VAPB: variants seen among roughly 807,000 people sequenced by gnomAD.
VAPB encodes the protein VAMP associated protein B and C.
In VAPB, 7 loss-of-function variants were observed where a neutral mutation model predicts 25.6. The ratio of observed to expected loss-of-function variants is 0.27; its 90% CI spans 0.16 to 0.51. The LOEUF is 0.51. Among genes scored for constraint, VAPB ranks in the 20% least tolerant of loss-of-function variants. The pLI, the probability that VAPB is intolerant of heterozygous loss-of-function variation, is 0.97. For synonymous variants in VAPB, 112 were observed against 109.2 expected, an observed-to-expected ratio of 1.03 and a Z score of -0.16; for missense variants, 266 against 301.3, an observed-to-expected ratio of 0.88 and a Z score of 0.87.
chr20:58,436,793 A>G (rs967485968), intron 3 of VAPB, among the ~76,000 whole-genome samples: 1 of 152,060 alleles, frequency 6.6e-6, no homozygotes, highest in African/African-American at 2.4e-5. Context: ...TTGAGATGCA[A>G]ATTTATGACA....
intron 3 of VAPB, among the ~76,000 whole-genome samples, chr20:58,437,791 C>G (rs1184409132): frequency 2.0e-5 from 3 of 152,140 alleles, no homozygotes; most frequent in African/African-American, 4.8e-5. Context: ...GCATGCTGTT[C>G]CGTTTAGTGG....
chr20:58,414,437 CGCCGGG>C (rs1568707173), intron 1 of VAPB, among the ~76,000 whole-genome samples: 1 of 145,642 alleles, frequency 6.9e-6, no homozygotes, highest in African/African-American at 2.5e-5. Context: ...ACGGGGCAGC[CGCCGGG>C]CGGAGGGTCT....
At position 58,444,170 on chromosome 20, in the gene VAPB, C is replaced by G; in HGVS notation, c.667C>G (p.Arg223Gly). 6.2e-7 allele frequency: 1 copy of G among 1,614,158 alleles called. No individual in the cohort carries two copies. Among genetic ancestry groups the G allele is most frequent in the Non-Finnish European group, 8.5e-7 (1 of 1,180,038 alleles). Residue 223 changes from arginine (R) to glycine (G), a missense_variant, in exon 6 of 6, where the codon CGG becomes GGG. Physicochemically the swap from Arg to Gly is moderately radical, Grantham distance 125. This residue lies in a region of VAPB where 136 missense variants were observed against 130.7 expected (regional missense o/e 1.04). Coordinates refer to ENST00000475243, the MANE Select transcript of VAPB (RefSeq NM_004738.5). ...PTGKEEGLSTRLLALVVLFFI... is the reference protein window; with the variant it reads ...PTGKEEGLSTGLLALVVLFFI... ...TGGGAAGGAAGAAGGCCTTAGCACC[C>G]GGCTCTTGGCTCTGGTGGTTTTGTT...
chr20:58,398,541 C>T (rs1013795658), intron 1 of VAPB, among the ~76,000 whole-genome samples: 3 of 148,432 alleles, frequency 2.0e-5, no homozygotes, highest in African/African-American at 5.1e-5. Flanking sequence ...AAGTTTCCAG[C>T]CTCTAGGTAT....
At chr20:58,418,134 A>AT in intron 1 of VAPB, 77 bp from the exon 2 acceptor site, 1 of 1,589,866 alleles carries the variant, frequency 6.3e-7, no homozygotes, top group Non-Finnish European at 8.6e-7. Flanking sequence ...CCTTAACTAT[A>AT]TTTACAGCTC....
rs557876874 is a variant in VAPB, at chr20:58,425,103, A to G, written c.211+6740A>G. On this transcript the variant is annotated intron_variant, in intron 2 of 5. Coordinates refer to ENST00000475243, the MANE Select transcript of VAPB (RefSeq NM_004738.5). ...TAATGCTGGTTATCTCCAGCTTATC[A>G]GGAGCTCTGCTTGGCATTTATGTAT... Among the ~76,000 whole-genome samples, 4 of 152,358 alleles carry G rather than the reference A, an allele frequency of 2.6e-5. No individual in the cohort carries two copies. In the South Asian group the frequency reaches 8.3e-4, roughly 32 times the overall value.
At chr20:58,425,277 A>C (rs1246966374) in intron 2 of VAPB, among the ~76,000 whole-genome samples, 2 of 152,188 alleles carry the variant, frequency 1.3e-5, no homozygotes, top group Non-Finnish European at 2.9e-5. Context: ...AGAAACTGGA[A>C]GCCCTGTCTT....
intron 1 of VAPB, among the ~76,000 whole-genome samples, chr20:58,397,190 A>G (rs1987979249): frequency 6.6e-6 from 1 of 152,222 alleles, no homozygotes; most frequent in Admixed American, 6.5e-5. Context: ...ATTCACTTTT[A>G]TATCAGATTC....
At chr20:58,420,002 T>C (rs1266345103) in intron 2 of VAPB, among the ~76,000 whole-genome samples, 1 of 152,162 alleles carries the variant, frequency 6.6e-6, no homozygotes, top group Non-Finnish European at 1.5e-5. Flanking sequence ...TCTCTTTTTT[T>C]TTTGAGACAG....
At chr20:58,437,280 C>CTT (rs879755519) in intron 3 of VAPB, among the ~76,000 whole-genome samples, 4 of 145,918 alleles carry the variant, frequency 2.7e-5, no homozygotes, top group African/African-American at 1.0e-4. Context: ...CTTTGAACTT[C>CTT]TTTTTTTTTT....
chr20:58,421,280 A>G (rs867308957), intron 2 of VAPB, among the ~76,000 whole-genome samples: 2 of 152,358 alleles, frequency 1.3e-5, no homozygotes, highest in Middle Eastern at 3.4e-3. Flanking sequence ...CAAGAGTGGT[A>G]CATTTGTACG....
intron 2 of VAPB, 35 bp from the exon 3 acceptor site, chr20:58,434,567 C>T (rs373655925): frequency 9.3e-7 from 1 of 1,077,472 alleles, no homozygotes; most frequent in African/African-American, 1.5e-5. Flanking sequence ...GACAACCAAG[C>T]TCTGACCCTC....
rs1420607016 is a variant in VAPB at position 58,448,073 on chromosome 20, C to T, written c.*3838C>T. ...CAAACTGAACTATGAAAAGTTACCA[C>T]TCTGAGGAGACCTCTCTTAATTAAC... On this transcript the variant is annotated 3_prime_UTR_variant, in exon 6 of 6. Coordinates refer to ENST00000475243, the MANE Select transcript of VAPB (RefSeq NM_004738.5). 1 of 454,024 alleles carries T rather than the reference C, an allele frequency of 2.2e-6. No homozygotes were observed. Among genetic ancestry groups the T allele is most frequent in the South Asian group, 1.6e-5 (1 of 64,462 alleles). The allele number at this position is 454,024 out of a possible 1,614,324, so 28.1% of individuals were successfully genotyped here. A position where few individuals can be genotyped will look rare whatever the true frequency, so the allele number is the denominator to read the frequency against.
intron 2 of VAPB, among the ~76,000 whole-genome samples, chr20:58,433,599 C>T (rs549049416): frequency 2.3e-4 from 35 of 151,490 alleles, no homozygotes; most frequent in South Asian, 2.1e-3. Flanking sequence ...CAAGGTGTAA[C>T]CTTGGGCAAA....
intron 1 of VAPB, among the ~76,000 whole-genome samples, chr20:58,397,139 A>G (rs1987977078): frequency 6.6e-6 from 1 of 152,262 alleles, no homozygotes; most frequent in Non-Finnish European, 1.5e-5. Context: ...GAAAAAGTTC[A>G]GACAGATGAC....
chr20:58,436,678 T>C (rs1297983421), intron 3 of VAPB, among the ~76,000 whole-genome samples: 4 of 152,160 alleles, frequency 2.6e-5, no homozygotes, highest in African/African-American at 9.7e-5. Flanking sequence ...ATACAGAAAG[T>C]TGAAAAAATA....
chr20:58,423,362 A>G (rs1044637703), intron 2 of VAPB, among the ~76,000 whole-genome samples: 7 of 137,650 alleles, frequency 5.1e-5, no homozygotes, highest in African/African-American at 1.9e-4. Flanking sequence ...CAGTGAGCCA[A>G]GATCGCGCCA....
At chr20:58,415,300 A>G (rs569264367) in intron 1 of VAPB, among the ~76,000 whole-genome samples, 1 of 152,262 alleles carries the variant, frequency 6.6e-6, no homozygotes, top group Non-Finnish European at 1.5e-5. Flanking sequence ...ATTCATTTTC[A>G]GTTCATTAGT....
At position 58,446,388 on chromosome 20, in the gene VAPB, A is replaced by G. The variant is rs1032292953; in HGVS notation, c.*2153A>G. ...TAGGAGAGTGCTTAGGTGGTCCCCA[A>G]CAGTGCCTAGGGGTACAGTACAGTC... On this transcript the variant is annotated 3_prime_UTR_variant, in exon 6 of 6. Coordinates refer to ENST00000475243, the MANE Select transcript of VAPB (RefSeq NM_004738.5). 6.6e-6 allele frequency: 3 copies of G among 454,122 alleles called. No homozygotes were observed. Among genetic ancestry groups the G allele is most frequent in the Non-Finnish European group, 4.4e-6 (1 of 226,780 alleles). 28.1% of individuals were successfully genotyped at this position (454,122 alleles called of 1,614,324 possible). A position where few individuals can be genotyped will look rare whatever the true frequency, so the allele number is the denominator to read the frequency against.
Sources: allele counts gnomAD v4.1 joint callset (sites outside exome capture counted in the v4.1 genomes callset), GRCh38; gene constraint gnomAD v4.1.1; regional missense constraint gnomAD v4.1.1; transcripts MANE v1.5; gene names NCBI Gene and HGNC (gene_info 2026-07-23, HGNC 2026-07-21).